OGFOD2: variants seen among roughly 807,000 people sequenced by gnomAD.
OGFOD2 encodes the protein 2-oxoglutarate and iron-dependent oxygenase domain-containing protein 2.
A neutral mutation model predicts 31.1 loss-of-function variants in OGFOD2; 34 were observed. That is an observed-to-expected ratio of 1.09 (90% CI 0.83 to 1.45). OGFOD2 has a LOEUF of 1.45. Among genes scored for constraint, OGFOD2 ranks in the 40% most tolerant of loss-of-function variants. OGFOD2 has a pLI of 0.00. For missense variants in OGFOD2, 537 were observed against 433.9 expected, an observed-to-expected ratio of 1.24 and a Z score of -2.11; for synonymous variants, 240 against 192.3, an observed-to-expected ratio of 1.25 and a Z score of -2.05.
chr12:122,978,666 A>C, intron 5 of OGFOD2, 87 bp from the exon 6 acceptor site: 2 of 1,586,536 alleles, frequency 1.3e-6, no homozygotes, highest in East Asian at 2.3e-5. Context: ...GGGCTGCGAA[A>C]GAAGGTCACA....
At chr12:122,975,336 C>T (rs751708755) in exon 1 of OGFOD2, 12 of 702,060 alleles carry the variant, frequency 1.7e-5, no homozygotes, top group South Asian at 5.9e-5. Flanking sequence ...CTATGGGCTG[C>T]ACGTGCGCTT....
rs569607037 is a variant in OGFOD2, at chr12:122,979,267, A to G, written c.974A>G (p.Asp325Gly). The change falls in exon 7 of 7, where the codon GAC becomes GGC. Residue 325 changes from aspartate (D) to glycine (G), a missense_variant. By Grantham distance (94) the Asp-to-Gly change is moderately conservative (BLOSUM62 -1). Coordinates refer to ENST00000228922, the Ensembl canonical transcript of OGFOD2. ...TGTCCCATGTGCTGCCGTGAGCCCGACCTGGTGGACGATGAGGGCTTCGGT... is the reference window on the plus strand; with the variant it reads ...TGTCCCATGTGCTGCCGTGAGCCCGGCCTGGTGGACGATGAGGGCTTCGGT... 10 of 1,612,896 alleles carry G rather than the reference A, an allele frequency of 6.2e-6. No individual in the cohort carries two copies. The South Asian group carries it at 1.1e-4, about 18-fold the overall frequency.
At position 122,976,856 on chromosome 12, in the gene OGFOD2, G is replaced by T; in HGVS notation, c.304-15G>T. The T allele has an allele frequency of 3.1e-6, 5 of 1,598,908 alleles. No individual in the cohort carries two copies. The highest frequency in any genetic ancestry group is 4.3e-6 in the Non-Finnish European group (5 of 1,169,142). ...GGGTGCTGCCTGCCCCACAGCTGGT[G>T]TGTTTTGCTCCCAGGATGCAGCTCT... On this transcript the variant is annotated splice_polypyrimidine_tract_variant and intron_variant, in intron 3 of 6. Coordinates refer to ENST00000228922, the Ensembl canonical transcript of OGFOD2.
At chr12:122,979,392 G>A (rs557570566) in exon 7 of OGFOD2, 15 of 1,553,308 alleles carry the variant, frequency 9.7e-6, no homozygotes, top group South Asian at 3.5e-5. Context: ...TGAGGGCTCC[G>A]TTGCCTTGGT....
At chr12:122,975,557 C>T in intron 1 of OGFOD2, 174 bp downstream of exon 1, 6 of 592,794 alleles carry the variant, frequency 1.0e-5, no homozygotes, top group South Asian at 8.0e-5. Context: ...ATAGTATCTC[C>T]CTGTGAGATT....
At chr12:122,975,291 G>A (rs775345539) in exon 1 of OGFOD2, 17 of 695,454 alleles carry the variant, frequency 2.4e-5, no homozygotes, top group East Asian at 2.4e-4. Context: ...CTGCCGCTGC[G>A]CCTGCTTCTG....
chr12:122,976,002 C>T (rs2037414192), intron 2 of OGFOD2, 135 bp downstream of exon 2: 2 of 640,206 alleles, frequency 3.1e-6, no homozygotes, highest in South Asian at 3.4e-5. Context: ...CTTCCTGCCC[C>T]CCACTCATCC....
At chr12:122,977,247 T>G in intron 4 of OGFOD2, 3 of 455,868 alleles carry the variant, frequency 6.6e-6, no homozygotes, top group Non-Finnish European at 1.3e-5. Flanking sequence ...GTGGGACAGC[T>G]GGCACACTCA....
chr12:122,975,955 T>G, intron 2 of OGFOD2, 88 bp downstream of exon 2: 1 of 678,432 alleles, frequency 1.5e-6, no homozygotes, highest in Non-Finnish European at 2.7e-6. Context: ...CCTCAGTCCC[T>G]GATCCCTGAA....
chr12:122,977,111 A>G (rs2037457971), intron 4 of OGFOD2, 141 bp downstream of exon 4: 1 of 743,288 alleles, frequency 1.3e-6, no homozygotes, highest in South Asian at 1.5e-5. Flanking sequence ...CAGTGGGACC[A>G]ACCTGCCAGG....
chr12:122,976,035 C>T (rs987217237), intron 2 of OGFOD2, 168 bp downstream of exon 2: 2 of 607,664 alleles, frequency 3.3e-6, no homozygotes, highest in South Asian at 3.7e-5. Context: ...GTCTTGGCAC[C>T]AGGAGAGAGA....
At chr12:122,975,989 CTCCT>C in intron 2 of OGFOD2, 122 bp downstream of exon 2, 1 of 649,982 alleles carries the variant, frequency 1.5e-6, no homozygotes, top group Non-Finnish European at 2.9e-6. Context: ...CCTCACTTTC[CTCCT>C]TCCTGCCCCC....
intron 4 of OGFOD2, chr12:122,977,885 C>G (rs984670239): frequency 1.3e-5 from 2 of 155,700 alleles, no homozygotes; most frequent in African/African-American, 2.4e-5. Flanking sequence ...CGAGGTGGCC[C>G]CATCGTGGGC....
chr12:122,979,185 G>T (rs774277356), exon 7 of OGFOD2: 1 of 1,611,920 alleles, frequency 6.2e-7, no homozygotes, highest in East Asian at 2.2e-5. Flanking sequence ...CTTGGGCACT[G>T]GTGAGCGTTG....
chr12:122,979,626 G>T (rs540643937), exon 7 of OGFOD2: 2 of 487,914 alleles, frequency 4.1e-6, no homozygotes, highest in Non-Finnish European at 7.4e-6. Flanking sequence ...CTGGCCCCAC[G>T]GAGAGCTCCA....
rs2037447197 is a variant in OGFOD2 at position 122,976,778 on chromosome 12, G to T, written c.303+11G>T. 2 of 1,609,532 alleles carry T rather than the reference G, an allele frequency of 1.2e-6. No homozygotes were observed. Among genetic ancestry groups the T allele is most frequent in the Non-Finnish European group, 1.7e-6 (2 of 1,176,520 alleles). ...TACGACTCACTGCAGGTACCAGCCA[G>T]CCAGAGTGCTTGAAGGCCGGTACTG... On this transcript the variant is annotated intron_variant, in intron 3 of 6. Coordinates refer to ENST00000228922, the Ensembl canonical transcript of OGFOD2.
At chr12:122,975,372 G>C (rs2037384087) in exon 1 of OGFOD2, 2 of 700,442 alleles carry the variant, frequency 2.9e-6, no homozygotes, top group African/African-American at 3.5e-5. Context: ...GCTGCGCCGG[G>C]ACTACGGCCC....
exon 7 of OGFOD2, chr12:122,979,384 AG>A: frequency 6.4e-7 from 1 of 1,565,368 alleles, no homozygotes. Context: ...CAGGCAGGTG[AG>A]GGCTCCGTTG....
At chr12:122,975,157 G>C (rs539896496), upstream of OGFOD2, 84 of 495,942 alleles carry the variant, frequency 1.7e-4, 1 homozygote, top group South Asian at 2.0e-3. Context: ...TGGGAACTTA[G>C]AGCGGCCCCT....
Sources: allele counts gnomAD v4.1 joint callset, GRCh38; gene constraint gnomAD v4.1.1; transcripts MANE v1.5; gene names NCBI Gene and HGNC (gene_info 2026-07-23, HGNC 2026-07-21).